PEAK1: variants seen among roughly 807,000 people sequenced by gnomAD.
The protein encoded by PEAK1 is pseudopodium enriched atypical kinase 1, also known as inactive tyrosine-protein kinase PEAK1.
PEAK1 carries 54 observed loss-of-function variants against 124.7 expected under a neutral mutation model. That is an observed-to-expected ratio of 0.43 (90% confidence interval 0.35 to 0.54). The LOEUF (loss-of-function observed/expected upper bound fraction) is 0.54, where lower values mean the gene tolerates loss of function less well. PEAK1 is among the 20% of genes least tolerant of loss of function. The pLI is 0.01. For synonymous variants in PEAK1, 719 were observed against 760.0 expected (o/e 0.95, Z 0.89); for missense variants, 2,046 against 2,134.5 (o/e 0.96, Z 0.82).
chr15:77,301,737 C>A (rs1324724923), intron 2 of PEAK1, among the ~76,000 whole-genome samples: 1 of 152,110 alleles, frequency 6.6e-6, no homozygotes, highest in Admixed American at 6.5e-5. Context: ...CTGTACTGCA[C>A]TCATTGAAGG....
intron 2 of PEAK1, among the ~76,000 whole-genome samples, chr15:77,307,630 CCTCT>C (rs1225808552): frequency 6.6e-6 from 1 of 152,010 alleles, no homozygotes; most frequent in Non-Finnish European, 1.5e-5. Flanking sequence ...TATACAATTT[CCTCT>C]CTATCAAGGC....
At chr15:77,216,794 G>A (rs2059167573) in intron 6 of PEAK1, among the ~76,000 whole-genome samples, 2 of 152,084 alleles carry the variant, frequency 1.3e-5, no homozygotes, top group Admixed American at 6.6e-5. Context: ...GCCACTCAAC[G>A]GGGGCCAAAA....
At chr15:77,196,137 G>A (rs2058091553) in intron 6 of PEAK1, among the ~76,000 whole-genome samples, 1 of 152,190 alleles carries the variant, frequency 6.6e-6, no homozygotes, top group South Asian at 2.1e-4. Flanking sequence ...AATGGGTGAA[G>A]GACAGATCAA....
intron 1 of PEAK1, among the ~76,000 whole-genome samples, chr15:77,379,188 AAGT>A (rs1410205505): frequency 1.3e-5 from 2 of 152,222 alleles, no homozygotes; most frequent in Non-Finnish European, 2.9e-5. Context: ...AATGAAATAA[AAGT>A]AGTTGAATAC....
intron 7 of PEAK1, among the ~76,000 whole-genome samples, chr15:77,160,075 A>G (rs1452828163): frequency 6.6e-6 from 1 of 151,936 alleles, no homozygotes; most frequent in Non-Finnish European, 1.5e-5. Context: ...GGCCTCACAC[A>G]GTAAAGCATA....
In PEAK1 at chr15:77,347,862, G is replaced by A. The variant is rs1005302746; in HGVS notation, c.-603+17301C>T. The A allele has an allele frequency of 5.1e-6, 5 of 984,268 alleles. No homozygotes were observed. In the South Asian group the frequency reaches 2.4e-4, roughly 46 times the overall value. The allele number at this position is 984,268 out of a possible 1,614,324, so 61.0% of individuals were successfully genotyped here. ...AAAAGCATCTACAACATTAAACAAT[G>A]CTACATTTAAAAATAAAATATACCT... On this transcript the variant is annotated intron_variant, in intron 2 of 9. Transcript: ENST00000682557.
chr15:77,202,422 G>A (rs1440402256), intron 6 of PEAK1, among the ~76,000 whole-genome samples: 1 of 151,982 alleles, frequency 6.6e-6, no homozygotes, highest in African/African-American at 2.4e-5. Context: ...ACTATATACT[G>A]TATTTTTACA....
chr15:77,315,615 T>TA lies in PEAK1; in HGVS notation c.-602-29112dup, dbSNP rs200451882. ...ATATATAAACAGAAACACGGATGAG[T>TA]AAAAAAAATAAAAATAAAATAAAAA... On this transcript the variant is annotated intron_variant, in intron 2 of 9. Transcript: ENST00000682557. Among the ~76,000 whole-genome samples the TA allele has an allele frequency of 6.7e-3, 983 of 146,896 alleles. 8 individuals carry two copies. Among genetic ancestry groups the TA allele is most frequent in the African/African-American group, 0.024 (939 of 39,890 alleles).
At position 77,329,115 on chromosome 15, in the gene PEAK1, C is replaced by A. The variant is rs183306389; in HGVS notation, c.-603+36048G>T. 1.5e-3 allele frequency among the ~76,000 whole-genome samples: 221 copies of A among 152,238 alleles called. 1 individual carries two copies. The highest frequency in any genetic ancestry group is 5.2e-3 in the African/African-American group (215 of 41,542). ...AATTAATGGGCTAAGATACAACCAA[C>A]AGGCCATGAAGTAATTTTGTTGTTT... On this transcript the variant is annotated intron_variant, in intron 2 of 9. Coordinates refer to ENST00000682557, the MANE Select transcript of PEAK1 (RefSeq NM_001385026.1).
chr15:77,158,617 A>T lies in PEAK1; in HGVS notation c.3217T>A (p.Cys1073Ser). The change falls in exon 8 of 10, where the codon TGC (cysteine) becomes AGC (serine). Residue 1073 changes from cysteine to serine, a missense_variant. Physicochemically the swap from Cys to Ser is moderately radical, Grantham distance 112. Coordinates refer to ENST00000682557, the MANE Select transcript of PEAK1 (RefSeq NM_001385026.1). ...TVVGKQDGRG[C>S]TSVTTALSLP... The stretch of plus-strand genomic sequence containing the variant: ...GACAATGCTGTTGTGACTGAAGTGC[A>T]GCCCCTGCCATCTTGCTTCCCAACA... 1 of 1,614,128 alleles carries T rather than the reference A, an allele frequency of 6.2e-7. No individual in the cohort carries two copies. The highest frequency in any genetic ancestry group is 1.1e-5 in the South Asian group (1 of 91,072).
chr15:77,324,066 T>C (rs997671147), intron 2 of PEAK1, among the ~76,000 whole-genome samples: 1 of 152,166 alleles, frequency 6.6e-6, no homozygotes, highest in Non-Finnish European at 1.5e-5. Context: ...TTTAAGACTT[T>C]AGAGACAGAC....
At chr15:77,252,561 G>A (rs2060927436) in intron 5 of PEAK1, 35 bp from the exon 6 acceptor site, 1 of 952,124 alleles carries the variant, frequency 1.1e-6, no homozygotes, top group Non-Finnish European at 1.3e-6. Flanking sequence ...AAACTGGAGA[G>A]TAATATAATT....
intron 2 of PEAK1, among the ~76,000 whole-genome samples, chr15:77,325,732 T>C (rs2065533120): frequency 2.6e-5 from 4 of 152,186 alleles, no homozygotes; most frequent in Admixed American, 2.6e-4. Context: ...TCTCAGCTGA[T>C]ATATTTAATG....
chr15:77,376,804 T>C (rs981405827), intron 1 of PEAK1, among the ~76,000 whole-genome samples: 2 of 152,180 alleles, frequency 1.3e-5, no homozygotes. Flanking sequence ...TTTTAAGGCT[T>C]TTTTATGTAA....
intron 6 of PEAK1, among the ~76,000 whole-genome samples, chr15:77,186,385 G>C (rs2057548027): frequency 6.6e-6 from 1 of 152,158 alleles, no homozygotes; most frequent in Non-Finnish European, 1.5e-5. Flanking sequence ...AGTTAATTCA[G>C]TCAAAAGATG....
chr15:77,253,250 G>GA (rs1329397633), intron 5 of PEAK1, among the ~76,000 whole-genome samples: 1 of 149,860 alleles, frequency 6.7e-6, no homozygotes, highest in African/African-American at 2.4e-5. Flanking sequence ...TGCGTTGGGG[G>GA]GGGGGTGGTC....
chr15:77,366,917 T>C (rs945443826), intron 1 of PEAK1, among the ~76,000 whole-genome samples: 3 of 152,096 alleles, frequency 2.0e-5, no homozygotes, highest in African/African-American at 7.2e-5. Context: ...AGGTGGATCA[T>C]GAGGTCAGGA....
intron 5 of PEAK1, among the ~76,000 whole-genome samples, chr15:77,260,673 C>G (rs1466742174): frequency 6.6e-6 from 1 of 152,138 alleles, no homozygotes; most frequent in Non-Finnish European, 1.5e-5. Flanking sequence ...AAGGTGGAGC[C>G]AAGATGGCCG....
intron 6 of PEAK1, among the ~76,000 whole-genome samples, chr15:77,214,755 AT>A (rs1341329405): frequency 6.6e-6 from 1 of 152,106 alleles, no homozygotes; most frequent in Non-Finnish European, 1.5e-5. Flanking sequence ...GAAAGCACAT[AT>A]TCATATGGCC....
Sources: gnomAD v4.1 joint callset for allele counts (sites outside exome capture counted in the v4.1 genomes callset) on GRCh38, gnomAD v4.1.1 for gene constraint, MANE v1.5 for transcripts, NCBI Gene and HGNC (gene_info 2026-07-23, HGNC 2026-07-21) for gene names.